CACNB2: variants seen among roughly 807,000 people sequenced by gnomAD.
CACNB2 encodes the protein calcium voltage-gated channel auxiliary subunit beta 2, also known as voltage-dependent L-type calcium channel subunit beta-2.
A neutral mutation model predicts 73.3 loss-of-function variants in CACNB2; 42 were observed. The ratio of observed to expected loss-of-function variants is 0.57; its 90% CI spans 0.45 to 0.74. The LOEUF (loss-of-function observed/expected upper bound fraction) is 0.74. CACNB2 is among the 30% of genes least tolerant of loss of function. CACNB2 has a pLI of 0.00. For synonymous variants in CACNB2, 348 were observed against 310.3 expected (o/e 1.12, Z -1.28); for missense variants, 940 against 853.0 (o/e 1.10, Z -1.27).
At position 18,172,924 on chromosome 10, in the gene CACNB2, C is replaced by CTTTTT. The variant is rs58345605; in HGVS notation, c.213+21960_213+21964dup. ...CTTCAAATAGGGAAAATAATAAGGC[C>CTTTTT]TTTTTTTTTTTTTTTAAATGGAGTT... On this transcript the variant is annotated intron_variant, in intron 2 of 13. Transcript: ENST00000324631. Among the ~76,000 whole-genome samples, 29 of 117,472 alleles carry CTTTTT rather than the reference C, an allele frequency of 2.5e-4. 1 individual carries two copies. Among genetic ancestry groups the CTTTTT allele is most frequent in the African/African-American group, 7.3e-4 (22 of 30,124 alleles). The allele number at this position is 117,472 out of a possible 152,430, so 77.1% of individuals were successfully genotyped here.
intron 3 of CACNB2, among the ~76,000 whole-genome samples, chr10:18,489,323 G>A (rs2049268826): frequency 6.7e-6 from 1 of 149,910 alleles, no homozygotes; most frequent in South Asian, 2.1e-4. Context: ...CTGGGAGGCG[G>A]TGGTTGCAGT....
chr10:18,367,926 CTG>C (rs1318129379), intron 2 of CACNB2, among the ~76,000 whole-genome samples: 1 of 152,132 alleles, frequency 6.6e-6, no homozygotes, highest in Non-Finnish European at 1.5e-5. Flanking sequence ...CTAAGTTTGA[CTG>C]TTAAGAAACG....
At chr10:18,347,765 A>G (rs1003803068) in intron 2 of CACNB2, among the ~76,000 whole-genome samples, 1 of 152,164 alleles carries the variant, frequency 6.6e-6, no homozygotes, top group African/African-American at 2.4e-5. Flanking sequence ...CAACACAGGT[A>G]TTTCTGCAAC....
chr10:18,182,773 G>A (rs2033954949), intron 2 of CACNB2, among the ~76,000 whole-genome samples: 1 of 149,982 alleles, frequency 6.7e-6, no homozygotes, highest in South Asian at 2.1e-4. Flanking sequence ...AGTGAGCCAA[G>A]ATCGCACCAC....
chr10:18,315,519 A>AAAC (rs1564429261), intron 2 of CACNB2, among the ~76,000 whole-genome samples: 2 of 133,900 alleles, frequency 1.5e-5, no homozygotes, highest in Non-Finnish European at 3.2e-5. Flanking sequence ...AAAAAAAAAA[A>AAAC]AAAAAAAAAC....
intron 2 of CACNB2, among the ~76,000 whole-genome samples, chr10:18,398,735 A>G (rs1417485561): frequency 1.3e-5 from 2 of 151,972 alleles, no homozygotes; most frequent in African/African-American, 4.8e-5. Flanking sequence ...GTGTGAAAGT[A>G]TATACTATCA....
chr10:18,526,379 C>G (rs1436672140), intron 9 of CACNB2, among the ~76,000 whole-genome samples: 2 of 152,200 alleles, frequency 1.3e-5, no homozygotes, highest in African/African-American at 2.4e-5. Flanking sequence ...CAGAGGCCCT[C>G]TTGTATTGCC....
chr10:18,211,371 G>A (rs530663758), intron 2 of CACNB2, among the ~76,000 whole-genome samples: 17 of 152,074 alleles, frequency 1.1e-4, no homozygotes, highest in Non-Finnish European at 1.9e-4. Context: ...TAGCTTGACT[G>A]GTTCTATTTT....
chr10:18,164,679 G>A (rs2032719349), intron 2 of CACNB2, among the ~76,000 whole-genome samples: 1 of 151,712 alleles, frequency 6.6e-6, no homozygotes, highest in Non-Finnish European at 1.5e-5. Flanking sequence ...ATTACACGTA[G>A]CCTGATTTCA....
At chr10:18,437,062 A>C (rs1251432258) in intron 3 of CACNB2, among the ~76,000 whole-genome samples, 5 of 152,260 alleles carry the variant, frequency 3.3e-5, no homozygotes, top group African/African-American at 4.8e-5. Context: ...CATTTGACTT[A>C]AATGTTTAAA....
chr10:18,527,635 C>G lies in CACNB2; in HGVS notation c.992C>G (p.Ser331Trp). The change falls in exon 10 of 14, where the codon TCG (serine) becomes TGG (tryptophan). Residue 331 changes from serine (S) to tryptophan (W), a missense_variant. Coordinates refer to ENST00000324631, the MANE Select transcript of CACNB2 (RefSeq NM_201596.3). ...VTADISLAKR[S>W]VLNNPSKHAI... is the part of the protein sequence containing the mutation. ...GCTGACATCTCGCTTGCCAAACGCT[C>G]GGTATTAAACAATCCCAGTAAGCAC... The G allele has an allele frequency of 6.2e-7, 1 of 1,613,938 alleles. No homozygotes were observed. The highest frequency in any genetic ancestry group is 8.5e-7 in the Non-Finnish European group (1 of 1,179,962).
chr10:18,492,869 G>C (rs1296610993), intron 3 of CACNB2, among the ~76,000 whole-genome samples: 1 of 152,026 alleles, frequency 6.6e-6, no homozygotes, highest in Non-Finnish European at 1.5e-5. Context: ...GCTTTAATGG[G>C]GGGTAAATAC....
intron 5 of CACNB2, 99 bp from the exon 6 acceptor site, chr10:18,506,372 T>C (rs2050490099): frequency 4.1e-6 from 3 of 737,964 alleles, no homozygotes; most frequent in Admixed American, 2.0e-5. Context: ...AAATTTAAAG[T>C]TGAATAAAAC....
intron 2 of CACNB2, chr10:18,260,542 C>T: frequency 1.0e-6 from 1 of 985,822 alleles, no homozygotes; most frequent in Non-Finnish European, 1.2e-6. Flanking sequence ...GAAATACCTA[C>T]TGCAGGACAA....
At chr10:18,164,675 C>T (rs181533994) in intron 2 of CACNB2, among the ~76,000 whole-genome samples, 101 of 151,882 alleles carry the variant, frequency 6.6e-4, no homozygotes, top group Non-Finnish European at 7.4e-5. Flanking sequence ...GTAGATTACA[C>T]GTAGCCTGAT....
intron 2 of CACNB2, among the ~76,000 whole-genome samples, chr10:18,277,669 G>C (rs1406628215): frequency 6.6e-6 from 1 of 152,104 alleles, no homozygotes; most frequent in Non-Finnish European, 1.5e-5. Flanking sequence ...TTAATCTTCA[G>C]CTTAACAATG....
chr10:18,315,553 A>T (rs2040150586), intron 2 of CACNB2, among the ~76,000 whole-genome samples: 1 of 139,302 alleles, frequency 7.2e-6, no homozygotes, highest in Non-Finnish European at 1.5e-5. Flanking sequence ...AATTAGCCAG[A>T]TGCAGTGGTG....
chr10:18,181,562 T>TTTTATTTTATTTTATTTTATTTTA (rs2033882015), intron 2 of CACNB2, among the ~76,000 whole-genome samples: 5 of 113,568 alleles, frequency 4.4e-5, no homozygotes, highest in East Asian at 5.2e-4. Flanking sequence ...GAGGATAACT[T>TTTTATTTTATTTTATTTTATTTTA]TTTTATTTTA....
intron 3 of CACNB2, among the ~76,000 whole-genome samples, chr10:18,410,514 A>C (rs1321594655): frequency 6.6e-6 from 1 of 152,234 alleles, no homozygotes; most frequent in Non-Finnish European, 1.5e-5. Flanking sequence ...TATTTCAAAA[A>C]AATATTAAAC....
Sources: allele counts gnomAD v4.1 joint callset (sites outside exome capture counted in the v4.1 genomes callset), GRCh38; gene constraint gnomAD v4.1.1; transcripts MANE v1.5; gene names NCBI Gene and HGNC (gene_info 2026-07-23, HGNC 2026-07-21).